MZF1: variants seen among roughly 807,000 people sequenced by gnomAD.
MZF1 encodes zinc finger and SCAN domain-containing protein 6.
MZF1 carries 24 observed loss-of-function variants against 28.6 expected under a neutral mutation model. That is an observed-to-expected ratio of 0.84 (90% confidence interval 0.61 to 1.18). The LOEUF (loss-of-function observed/expected upper bound fraction) is 1.18. MZF1 is among the 50% of genes most tolerant of loss of function. The pLI is 0.00. For synonymous variants in MZF1, 516 were observed against 432.5 expected (o/e 1.19, Z -2.40); for missense variants, 1,166 against 1,026.4 (o/e 1.14, Z -1.86).
chr19:58,571,682 C>CTT (rs11396129), intron 1 of MZF1: 2 of 376,166 alleles, frequency 5.3e-6, no homozygotes, highest in South Asian at 5.0e-5. Context: ...CAAACACAGG[C>CTT]TTTTTTTTCT....
chr19:58,572,815 G>A (rs927112490), intron 1 of MZF1: 2 of 355,176 alleles, frequency 5.6e-6, no homozygotes, highest in Non-Finnish European at 1.1e-5. Context: ...TCCGCTCCAG[G>A]GTGCCAAGGT....
chr19:58,569,767 G>A, intron 3 of MZF1, 181 bp from the exon 4 acceptor site: 1 of 577,688 alleles, frequency 1.7e-6, no homozygotes, highest in South Asian at 2.1e-5. Flanking sequence ...AGAGTACCCT[G>A]GAAGGCCAGG....
At position 58,571,038 on chromosome 19, in the gene MZF1, G is replaced by A; in HGVS notation, c.352C>T (p.Leu118=). ...GGCTCCCGGCGCAGCCCATCTACTA[G>A]GGCAGCAGCCTCCTCGGGGCTGCCT... ...RPGSPEEAAA[L]VDGLRREPGG... The change falls in exon 2 of 6, where the codon CTA becomes TTA. Residue 118 remains leucine (L), a synonymous_variant. Transcript: ENST00000215057. 6.2e-7 allele frequency: 1 copy of A among 1,612,766 alleles called. No individual in the cohort carries two copies. Among genetic ancestry groups the A allele is most frequent in the Non-Finnish European group, 8.5e-7 (1 of 1,179,582 alleles).
At chr19:58,565,455 C>T (rs1186651128) in intron 5 of MZF1, among the ~76,000 whole-genome samples, 1 of 152,098 alleles carries the variant, frequency 6.6e-6, no homozygotes, top group Admixed American at 6.5e-5. Flanking sequence ...GTCTCGATCT[C>T]CTGACCTCAT....
At position 58,563,646 on chromosome 19, in the gene MZF1, G is replaced by T. The variant is rs1014818441; in HGVS notation, c.773-142C>A. ...CGGAGGCGACAAATGCAGGGGTAGG[G>T]ATTCTATCTGTACAGACTTCCCTGA... On this transcript the variant is annotated intron_variant, in intron 5 of 5. Transcript: ENST00000215057. 1.1e-5 allele frequency: 7 copies of T among 643,106 alleles called. No individual in the cohort carries two copies. In the Admixed American group the frequency reaches 2.1e-4, roughly 19 times the overall value. 39.8% of individuals were successfully genotyped at this position (643,106 alleles called of 1,614,324 possible). A position where few individuals can be genotyped will look rare whatever the true frequency, so the allele number is the denominator to read the frequency against.
chr19:58,569,771 G>C (rs982094808), intron 3 of MZF1, 185 bp from the exon 4 acceptor site: 12 of 575,180 alleles, frequency 2.1e-5, no homozygotes, highest in African/African-American at 3.8e-5. Flanking sequence ...TACCCTGGAA[G>C]GCCAGGGGTT....
At chr19:58,565,784 G>A (rs1462661590) in intron 5 of MZF1, among the ~76,000 whole-genome samples, 13 of 146,362 alleles carry the variant, frequency 8.9e-5, no homozygotes, top group Non-Finnish European at 3.0e-5. Flanking sequence ...CGCCCGCCTT[G>A]GCCTCCCAAA....
At position 58,569,386 on chromosome 19, in the gene MZF1, G is replaced by C; in HGVS notation, c.663C>G (p.Thr221=). ...TGTGGGGAAAGATCTGGTCCAGCAC[G>C]GTCCCACATCTCTGAAATCACAGTG... ...LLPEEAQRCG[T]VLDQIFPHSK... The change falls in exon 5 of 6, where the codon ACC becomes ACG. Residue 221 remains threonine, a synonymous_variant. Transcript: ENST00000215057. 6.2e-7 allele frequency: 1 copy of C among 1,614,016 alleles called. No homozygotes were observed. Among genetic ancestry groups the C allele is most frequent in the South Asian group, 1.1e-5 (1 of 91,084 alleles).
Position 58,563,335 on chromosome 19 carries a change from T to G in MZF1, c.942A>C (p.Glu314Asp), listed in dbSNP as rs372763261. 20 of 1,609,104 alleles carry G rather than the reference T, an allele frequency of 1.2e-5. No homozygotes were observed. The Admixed American group carries it at 3.4e-4, about 27-fold the overall frequency. The change falls in exon 6 of 6, where the codon GAA becomes GAC. Residue 314 changes from glutamate to aspartate, a missense_variant. Physicochemically the swap from Glu to Asp is conservative, Grantham distance 45. Transcript: ENST00000215057. ...ALLLPSDLRS[E>D]QDPTDEDPCR... is the part of the protein sequence containing the mutation. ...AGGGATCCTCGTCCGTGGGGTCCTG[T>G]TCACTCCTCAGATCGCTGGGGAGCA...
intron 5 of MZF1, 119 bp downstream of exon 5, chr19:58,569,158 T>G: frequency 7.6e-7 from 1 of 1,317,184 alleles, no homozygotes; most frequent in Non-Finnish European, 1.0e-6. Context: ...ATCTAGGGAA[T>G]GGGGGAACTT....
At chr19:58,570,183 G>A (rs894974116) in intron 3 of MZF1, 161 bp downstream of exon 3, 1 of 719,716 alleles carries the variant, frequency 1.4e-6, no homozygotes, top group Non-Finnish European at 2.2e-6. Flanking sequence ...TGGCTGCGGT[G>A]GAGGGGAGAC....
In MZF1 at chr19:58,569,391, C is replaced by T. The variant is rs767748452; in HGVS notation, c.658G>A (p.Gly220Arg). The T allele has an allele frequency of 1.5e-5, 24 of 1,613,906 alleles. No homozygotes were observed. The East Asian group carries it at 5.1e-4, about 34-fold the overall frequency. Reference protein sequence around the residue: ...TLLPEEAQRCGTVLDQIFPHS... With the variant: ...TLLPEEAQRCRTVLDQIFPHS... Reference sequence around the variant, plus strand: ...GGAAAGATCTGGTCCAGCACGGTCCCACATCTCTGAAATCACAGTGGTCAC... The same window carrying T: ...GGAAAGATCTGGTCCAGCACGGTCCTACATCTCTGAAATCACAGTGGTCAC... The change falls in exon 5 of 6, where the codon GGG becomes AGG. Residue 220 changes from glycine (G) to arginine (R), a missense_variant. By Grantham distance (125) the Gly-to-Arg change is moderately radical. Coordinates refer to ENST00000215057, the MANE Select transcript of MZF1 (RefSeq NM_198055.2).
In MZF1 at chr19:58,562,440, T is replaced by A. The variant is rs1433839097; in HGVS notation, c.1837A>T (p.Thr613Ser). 1 of 1,611,034 alleles carries A rather than the reference T, an allele frequency of 6.2e-7. No individual in the cohort carries two copies. Among genetic ancestry groups the A allele is most frequent in the African/African-American group, 1.3e-5 (1 of 74,790 alleles). ...CCGGTGTGTGTCCTCTGATGACGCG[T>A]GAGCTTGAGGCGCTGGCTGAAGCGC... ...GQRFSQRLKL[T>S]RHQRTHTGEK... Residue 613 changes from threonine (T) to serine (S), a missense_variant, in exon 6 of 6, where the codon ACG becomes TCG. Transcript: ENST00000215057.
chr19:58,569,496 T>A lies in MZF1; in HGVS notation c.651+20A>T, dbSNP rs780539853. ...AACTTCCAGGGAAAGGAGGAGAACA[T>A]GGACCTGGGCAGGACTTACCTGGGC... On this transcript the variant is annotated intron_variant, in intron 4 of 5. Transcript: ENST00000215057. 2 of 1,612,982 alleles carry A rather than the reference T, an allele frequency of 1.2e-6. No homozygotes were observed. Among genetic ancestry groups the A allele is most frequent in the African/African-American group, 1.3e-5 (1 of 74,982 alleles).
In MZF1 at chr19:58,563,449, G is replaced by A; in HGVS notation, c.828C>T (p.His276=). ...TGCCGAGGTCCCAGGGGACGTGGAG[G>A]TGAGGGCTTACACTACCTGGACCTG... is the stretch of plus-strand genomic sequence containing the variant. The part of the protein sequence containing the change: ...ISAGPGSVSP[H]LHVPWDLGMA... The change falls in exon 6 of 6, where the codon CAC becomes CAT. Residue 276 remains histidine, a synonymous_variant. Coordinates refer to ENST00000215057, the MANE Select transcript of MZF1 (RefSeq NM_198055.2). 6.3e-7 allele frequency: 1 copy of A among 1,583,088 alleles called. No individual in the cohort carries two copies. The highest frequency in any genetic ancestry group is 8.6e-7 in the Non-Finnish European group (1 of 1,164,394).
In MZF1 at chr19:58,564,902, G is replaced by GTTTTTTTT. The variant is rs71190056; in HGVS notation, c.773-1406_773-1399dup. Among the ~76,000 whole-genome samples, 32 of 41,992 alleles carry GTTTTTTTT rather than the reference G, an allele frequency of 7.6e-4. 7 individuals carry two copies. The highest frequency in any genetic ancestry group is 1.4e-3 in the East Asian group (1 of 712). 27.5% of individuals were successfully genotyped at this position (41,992 alleles called of 152,430 possible). A position where few individuals can be genotyped will look rare whatever the true frequency, so the allele number is the denominator to read the frequency against. ...GTGGAGAATAAGCATCCATGTGTGTGTTTTTTTTTTTTTTTTTTTTTTTTT... is the reference window on the plus strand; with the variant it reads ...GTGGAGAATAAGCATCCATGTGTGTGTTTTTTTTTTTTTTTTTTTTTTTTTTTTTTTTT... On this transcript the variant is annotated intron_variant, in intron 5 of 5. Coordinates refer to ENST00000215057, the MANE Select transcript of MZF1 (RefSeq NM_198055.2).
chr19:58,566,037 A>T (rs1407030715), intron 5 of MZF1, among the ~76,000 whole-genome samples: 4 of 151,302 alleles, frequency 2.6e-5, no homozygotes, highest in Non-Finnish European at 5.9e-5. Context: ...GCTACTCGGG[A>T]GGCTGAGGCA....
chr19:58,569,645 T>A, intron 3 of MZF1, 59 bp from the exon 4 acceptor site: 1 of 1,396,634 alleles, frequency 7.2e-7, no homozygotes, highest in Non-Finnish European at 9.9e-7. Flanking sequence ...CTGCCCTTCT[T>A]AGTGGTGTGC....
In MZF1 at chr19:58,571,356, C is replaced by T; in HGVS notation, c.34G>A (p.Ala12Thr). 1 of 1,614,174 alleles carries T rather than the reference C, an allele frequency of 6.2e-7. No individual in the cohort carries two copies. Among genetic ancestry groups the T allele is most frequent in the Non-Finnish European group, 8.5e-7 (1 of 1,180,034 alleles). ...ACAGGCCCCTCATCTTCTGGGGGTGCTCGGTCTGGGGAGCCCAGCACCGCA... is the reference window on the plus strand; with the variant it reads ...ACAGGCCCCTCATCTTCTGGGGGTGTTCGGTCTGGGGAGCCCAGCACCGCA... ...RPAVLGSPDR[A>T]PPEDEGPVMV... The change falls in exon 2 of 6, where the codon GCA becomes ACA. Residue 12 changes from alanine to threonine, a missense_variant. Transcript: ENST00000215057.
Sources: gnomAD v4.1 joint callset for allele counts (sites outside exome capture counted in the v4.1 genomes callset) on GRCh38, gnomAD v4.1.1 for gene constraint, MANE v1.5 for transcripts, NCBI Gene and HGNC (gene_info 2026-07-23, HGNC 2026-07-21) for gene names.